Variants in DIAPH1 observed in about 807,000 individuals in gnomAD.
DIAPH1 encodes protein diaphanous homolog 1.
DIAPH1 carries 46 observed loss-of-function variants against 140.7 expected under a neutral mutation model. That is an observed-to-expected ratio of 0.33 (90% confidence interval 0.26 to 0.42). DIAPH1 has a LOEUF of 0.42. Among genes scored for constraint, DIAPH1 ranks in the 10% least tolerant of loss-of-function variants. The pLI, the probability that DIAPH1 is intolerant of heterozygous loss-of-function variation, is 1.00. For synonymous variants in DIAPH1, 565 were observed against 551.6 expected (o/e 1.02, Z -0.34); for missense variants, 1,310 against 1,558.7 (o/e 0.84, Z 2.69).
chr5:141,523,333 C>G (rs919866936), intron 27 of DIAPH1, among the ~76,000 whole-genome samples: 16 of 152,198 alleles, frequency 1.1e-4, no homozygotes, highest in African/African-American at 3.9e-4. Context: ...TCACTAGACA[C>G]GATAGTGCAG....
intron 27 of DIAPH1, among the ~76,000 whole-genome samples, chr5:141,521,802 T>C (rs2099886584): frequency 6.6e-6 from 1 of 152,178 alleles, no homozygotes; most frequent in Non-Finnish European, 1.5e-5. Flanking sequence ...GGAGCCTTTG[T>C]ATTTTGAGAA....
At chr5:141,577,339 T>C in intron 12 of DIAPH1, 136 bp downstream of exon 12, 8 of 756,218 alleles carry the variant, frequency 1.1e-5, no homozygotes, top group Middle Eastern at 2.6e-4. Flanking sequence ...ACTTCCTTTA[T>C]ATCGGTGACT....
chr5:141,532,504 A>G (rs561020955), intron 19 of DIAPH1, among the ~76,000 whole-genome samples: 1 of 152,304 alleles, frequency 6.6e-6, no homozygotes, highest in African/African-American at 2.4e-5. Context: ...CAGTTTAAGT[A>G]GTACCTCCTT....
At position 141,515,197 on chromosome 5, in the gene DIAPH1, G is replaced by C. The variant is rs886060024; in HGVS notation, c.*1654C>G. 1 of 152,406 alleles carries C rather than the reference G, an allele frequency of 6.6e-6. No individual in the cohort carries two copies. Among genetic ancestry groups the C allele is most frequent in the Non-Finnish European group, 1.5e-5 (1 of 67,992 alleles). 9.4% of individuals were successfully genotyped at this position (152,406 alleles called of 1,614,324 possible). A position where few individuals can be genotyped will look rare whatever the true frequency, so the allele number is the denominator to read the frequency against. On this transcript the variant is annotated 3_prime_UTR_variant, in exon 28 of 28. Transcript: ENST00000389054. ...GCAAAAGTAGATTAAAAAAGAAAGG[G>C]TCAAAGCCCCAGATGTCAGCGAGCA...
chr5:141,618,172 C>G (rs1413691017), intron 1 of DIAPH1, among the ~76,000 whole-genome samples: 1 of 152,180 alleles, frequency 6.6e-6, no homozygotes, highest in African/African-American at 2.4e-5. Flanking sequence ...CCCCAGTGAC[C>G]ATAGGACCTG....
chr5:141,548,164 A>C (rs1036008868), intron 18 of DIAPH1, among the ~76,000 whole-genome samples: 1 of 151,270 alleles, frequency 6.6e-6, no homozygotes, highest in Admixed American at 6.6e-5. Context: ...GCGCCACTCC[A>C]CTCCAGCCTG....
intron 14 of DIAPH1, 89 bp downstream of exon 14, chr5:141,576,139 CCA>C (rs2154596386): frequency 3.5e-6 from 4 of 1,135,426 alleles, no homozygotes; most frequent in African/African-American, 1.5e-5. Flanking sequence ...TTCCAAAATA[CCA>C]CAGAGGAAAA....
chr5:141,561,367 T>G (rs527801518), intron 18 of DIAPH1, among the ~76,000 whole-genome samples: 20 of 151,530 alleles, frequency 1.3e-4, no homozygotes, highest in African/African-American at 2.9e-4. Flanking sequence ...GAGTTTTGTT[T>G]TTTTTTTTTT....
At chr5:141,604,963 G>C (rs998489777) in intron 1 of DIAPH1, among the ~76,000 whole-genome samples, 3 of 152,052 alleles carry the variant, frequency 2.0e-5, no homozygotes, top group Non-Finnish European at 4.4e-5. Context: ...AGGTTGTTCT[G>C]ATACTTCTAG....
chr5:141,580,685 G>A, intron 8 of DIAPH1, 59 bp downstream of exon 8: 1 of 1,587,060 alleles, frequency 6.3e-7, no homozygotes, highest in Non-Finnish European at 8.6e-7. Flanking sequence ...ATTGTCCTCT[G>A]AACTAAGAGA....
At chr5:141,558,402 C>G (rs1407833891) in intron 18 of DIAPH1, 1 of 152,128 alleles carries the variant, frequency 6.6e-6, no homozygotes, top group African/African-American at 2.4e-5. Context: ...CTGTTTAAGG[C>G]GTCTCTCAAT....
Position 141,515,603 on chromosome 5 carries a change from C to G in DIAPH1, c.*1248G>C, listed in dbSNP as rs1562273646. The G allele has an allele frequency of 6.6e-6, 1 of 152,256 alleles. No individual in the cohort carries two copies. Among genetic ancestry groups the G allele is most frequent in the Non-Finnish European group, 1.5e-5 (1 of 68,064 alleles). The allele number at this position is 152,256 out of a possible 1,614,324, so 9.4% of individuals were successfully genotyped here. ...CTGGGGTACAGTGTATGAAGGCACT[C>G]CTGGTGCCCAGTTCCCCAGAATGTC... On this transcript the variant is annotated 3_prime_UTR_variant, in exon 28 of 28. Transcript: ENST00000389054.
At chr5:141,527,739 C>T in intron 23 of DIAPH1, 42 bp from the exon 24 acceptor site, 1 of 1,520,254 alleles carries the variant, frequency 6.6e-7, no homozygotes, top group Non-Finnish European at 8.8e-7. Context: ...AAACAGACAG[C>T]AAGAGCTTAC....
chr5:141,583,604 C>T lies in DIAPH1; in HGVS notation c.414G>A (p.Gln138=). 6.2e-7 allele frequency: 1 copy of T among 1,614,262 alleles called. No individual in the cohort carries two copies. Among genetic ancestry groups the T allele is most frequent in the Admixed American group, 1.7e-5 (1 of 60,034 alleles). ...TCATGGCAGACTTAGAGCTCTCCTT[C>T]TGGCTCATGCCCTAGACAGAAGGCA... ...YLYTSKAGMS[Q]KESSKSAMMY... The change falls in exon 5 of 28, where the codon CAG becomes CAA. Residue 138 remains glutamine (Q), a synonymous_variant. Coordinates refer to ENST00000389054, the MANE Select transcript of DIAPH1 (RefSeq NM_005219.5).
rs370089310 is a variant in DIAPH1, at chr5:141,528,604, G to A, written c.3019-22C>T. 4.3e-6 allele frequency: 7 copies of A among 1,614,102 alleles called. No individual in the cohort carries two copies. In the African/African-American group the frequency reaches 6.7e-5, roughly 15 times the overall value. Reference sequence around the variant, plus strand: ...GAAGCTTAGAGAAAGAGGAGAAACTGTTAAATCCTGACATGTCCAAGATGG... The same window carrying A: ...GAAGCTTAGAGAAAGAGGAGAAACTATTAAATCCTGACATGTCCAAGATGG... On this transcript the variant is annotated intron_variant, in intron 22 of 27. Coordinates refer to ENST00000389054, the MANE Select transcript of DIAPH1 (RefSeq NM_005219.5).
chr5:141,574,394 C>T (rs546731140), intron 15 of DIAPH1, among the ~76,000 whole-genome samples, 186 bp from the exon 16 acceptor site: 5 of 152,308 alleles, frequency 3.3e-5, no homozygotes, highest in South Asian at 2.1e-4. Context: ...AACTAGAATT[C>T]AGGTTTTCAT....
Position 141,576,314 on chromosome 5 carries a change from G to A in DIAPH1, c.1397-20C>T. On this transcript the variant is annotated intron_variant, in intron 13 of 27. Transcript: ENST00000389054. ...TTTGATCTGAAAAGAAGAAGAGTCA[G>A]TAAGTAAAGCTCCTAATTCTCTTGT... The A allele has an allele frequency of 6.3e-7, 1 of 1,591,794 alleles. No homozygotes were observed. The highest frequency in any genetic ancestry group is 8.6e-7 in the Non-Finnish European group (1 of 1,159,594).
intron 1 of DIAPH1, among the ~76,000 whole-genome samples, chr5:141,604,464 G>C (rs2099900626): frequency 6.6e-6 from 1 of 152,168 alleles, no homozygotes; most frequent in Admixed American, 6.5e-5. Flanking sequence ...GAAATAGTCA[G>C]TGACTCAGGA....
At chr5:141,579,223 A>G in intron 8 of DIAPH1, 27 bp from the exon 9 acceptor site, 2 of 1,570,486 alleles carry the variant, frequency 1.3e-6, no homozygotes, top group South Asian at 2.2e-5. Context: ...AAACGGAGAG[A>G]ACTTTCCAGG....
Sources: gnomAD v4.1 joint callset for allele counts (sites outside exome capture counted in the v4.1 genomes callset) on GRCh38, gnomAD v4.1.1 for gene constraint, MANE v1.5 for transcripts, NCBI Gene and HGNC (gene_info 2026-07-23, HGNC 2026-07-21) for gene names.